The following IFT74 variants were observed in gnomAD, a reference collection of about 807,000 sequenced individuals.
IFT74 encodes intraflagellar transport 74.
A neutral mutation model predicts 96.7 loss-of-function variants in IFT74; 92 were observed. That is an observed-to-expected ratio of 0.95 (90% CI 0.80 to 1.13). IFT74 has a LOEUF of 1.13. Ranked by LOEUF, IFT74 falls within the 50% of genes most tolerant of loss-of-function variation. IFT74 has a pLI of 0.00. For missense variants in IFT74, 811 were observed against 698.2 expected, an observed-to-expected ratio of 1.16 and a Z score of -1.82; for synonymous variants, 223 against 213.2, an observed-to-expected ratio of 1.05 and a Z score of -0.40.
chr9:27,038,016 A>C (rs561075859), intron 13 of IFT74, among the ~76,000 whole-genome samples: 1 of 152,356 alleles, frequency 6.6e-6, no homozygotes, highest in Admixed American at 6.5e-5. Context: ...CAAGTGCATT[A>C]AATGACTTAC....
chr9:26,957,239 C>CT (rs1331906428), intron 1 of IFT74, among the ~76,000 whole-genome samples: 2 of 152,096 alleles, frequency 1.3e-5, no homozygotes, highest in Non-Finnish European at 2.9e-5. Context: ...TAATGGTAAG[C>CT]TTTTTTTCAC....
intron 1 of IFT74, among the ~76,000 whole-genome samples, chr9:26,960,925 C>G (rs1262071643): frequency 6.6e-6 from 1 of 150,858 alleles, no homozygotes; most frequent in African/African-American, 2.4e-5. Flanking sequence ...TGGAAGTCAT[C>G]CAGGGTGATG....
chr9:26,974,067 G>C (rs1826990217), intron 2 of IFT74, among the ~76,000 whole-genome samples: 1 of 152,072 alleles, frequency 6.6e-6, no homozygotes, highest in African/African-American at 2.4e-5. Flanking sequence ...ACACTCTTTA[G>C]AGGGCCTAGG....
chr9:27,009,488 A>G (rs926270530), intron 9 of IFT74, among the ~76,000 whole-genome samples: 3 of 152,212 alleles, frequency 2.0e-5, no homozygotes, highest in Non-Finnish European at 4.4e-5. Context: ...CATTTATAAA[A>G]GTACTTTTCT....
intron 2 of IFT74, among the ~76,000 whole-genome samples, chr9:26,974,890 C>T (rs1469918057): frequency 6.6e-6 from 1 of 152,164 alleles, no homozygotes; most frequent in Non-Finnish European, 1.5e-5. Context: ...GCCAATGGCT[C>T]CCCCTCCTTG....
At chr9:27,033,639 C>T (rs1830228866) in intron 13 of IFT74, among the ~76,000 whole-genome samples, 3 of 151,598 alleles carry the variant, frequency 2.0e-5, no homozygotes, top group Admixed American at 2.0e-4. Flanking sequence ...CATTAGCTAC[C>T]CCTATGATTG....
At chr9:26,989,455 T>A (rs1002011535) in intron 7 of IFT74, among the ~76,000 whole-genome samples, 27 of 152,314 alleles carry the variant, frequency 1.8e-4, no homozygotes, top group East Asian at 5.8e-4. Flanking sequence ...ATTATAAGCA[T>A]TTGGATGAAA....
At position 26,987,942 on chromosome 9, in the gene IFT74, T is replaced by TTTGTTG. The variant is rs558957842; in HGVS notation, c.466-709_466-704dup. On this transcript the variant is annotated intron_variant, in intron 6 of 19. Transcript: ENST00000380062. The stretch of plus-strand genomic sequence containing the variant: ...TGTTTTTACTAGTGTAAATTTGTTT[T>TTTGTTG]TTGTTGTTGTTGTTGTTGTTGTTTT... Among the ~76,000 whole-genome samples the TTTGTTG allele has an allele frequency of 7.7e-4, 117 of 152,036 alleles. 1 individual carries two copies. Among genetic ancestry groups the TTTGTTG allele is most frequent in the Non-Finnish European group, 1.3e-3 (90 of 67,952 alleles).
intron 13 of IFT74, among the ~76,000 whole-genome samples, chr9:27,042,489 G>A (rs1398238859): frequency 6.6e-6 from 1 of 152,146 alleles, no homozygotes; most frequent in Admixed American, 6.5e-5. Flanking sequence ...ATAACTGACT[G>A]CCGTTTGAAT....
intron 8 of IFT74, chr9:26,997,899 C>G (rs1554669957): frequency 1.2e-6 from 2 of 1,614,130 alleles, no homozygotes; most frequent in Non-Finnish European, 1.7e-6. Context: ...CTTAGAGGCA[C>G]AAATACATCA....
At chr9:26,962,151 A>G in intron 2 of IFT74, 64 bp downstream of exon 2, 1 of 1,535,870 alleles carries the variant, frequency 6.5e-7, no homozygotes, top group Non-Finnish European at 9.0e-7. Flanking sequence ...TGAGTCCAGG[A>G]GACTGGGGCT....
At chr9:27,025,616 A>G (rs958757461) in intron 12 of IFT74, among the ~76,000 whole-genome samples, 3 of 152,160 alleles carry the variant, frequency 2.0e-5, no homozygotes, top group African/African-American at 7.2e-5. Context: ...CTATAAAGGA[A>G]AACCTATCAG....
At chr9:26,985,351 A>G (rs1827587219) in intron 6 of IFT74, among the ~76,000 whole-genome samples, 1 of 152,154 alleles carries the variant, frequency 6.6e-6, no homozygotes, top group African/African-American at 2.4e-5. Flanking sequence ...GTATTAGCTT[A>G]GTTACCTAGG....
At chr9:26,979,717 T>TC (rs1827280157) in intron 3 of IFT74, among the ~76,000 whole-genome samples, 1 of 140,996 alleles carries the variant, frequency 7.1e-6, no homozygotes, top group South Asian at 2.5e-4. Context: ...TTTTTTTTTT[T>TC]TTTTTTTTTT....
At chr9:27,036,175 C>T (rs1819171442) in intron 13 of IFT74, among the ~76,000 whole-genome samples, 1 of 152,150 alleles carries the variant, frequency 6.6e-6, no homozygotes, top group Non-Finnish European at 1.5e-5. Context: ...TCATTGTCTT[C>T]ACATTGAGTA....
At chr9:26,947,340 C>T (rs369209905) in intron 1 of IFT74, 53 of 411,432 alleles carry the variant, frequency 1.3e-4, no homozygotes, top group African/African-American at 5.8e-4. Flanking sequence ...AGCTGGCTTT[C>T]CTCCAGGGCT....
intron 16 of IFT74, among the ~76,000 whole-genome samples, chr9:27,050,111 G>A (rs1587416253): frequency 6.6e-6 from 1 of 152,120 alleles, no homozygotes; most frequent in Non-Finnish European, 1.5e-5. Context: ...AGGCTGGAGT[G>A]CAGTGGCGTG....
chr9:26,998,052 T>C (rs376570861), intron 8 of IFT74: 81 of 1,613,502 alleles, frequency 5.0e-5, no homozygotes, highest in Non-Finnish European at 6.4e-5. Context: ...CCAAAACCGT[T>C]ATTATGTAAG....
chr9:27,040,671 T>G (rs1653373679), intron 13 of IFT74, among the ~76,000 whole-genome samples: 1 of 151,578 alleles, frequency 6.6e-6, no homozygotes, highest in Non-Finnish European at 1.5e-5. Flanking sequence ...TTGCCCCGTC[T>G]CCCTGATTTT....
Sources: gnomAD v4.1 joint callset for allele counts (sites outside exome capture counted in the v4.1 genomes callset) on GRCh38, gnomAD v4.1.1 for gene constraint, MANE v1.5 for transcripts, NCBI Gene and HGNC (gene_info 2026-07-23, HGNC 2026-07-21) for gene names.